GRID2: variants seen among roughly 807,000 people sequenced by gnomAD.
The protein encoded by GRID2 is glutamate receptor ionotropic, delta-2.
In GRID2, 33 loss-of-function variants were observed where a neutral mutation model predicts 114.8. The ratio of observed to expected loss-of-function variants is 0.29; its 90% CI spans 0.22 to 0.38. The LOEUF (loss-of-function observed/expected upper bound fraction) is 0.38, where lower values mean the gene tolerates loss of function less well. GRID2 is among the 10% of genes least tolerant of loss of function. The probability of loss-of-function intolerance (pLI) is 1.00; values close to 1 mark genes in which losing one functional copy is unlikely to be tolerated. For missense variants in GRID2, 1,184 were observed against 1,257.7 expected (o/e 0.94, Z 0.89); for synonymous variants, 505 against 449.9 (o/e 1.12, Z -1.55).
At chr4:92,345,477 T>G (rs1012069309) in intron 1 of GRID2, among the ~76,000 whole-genome samples, 2 of 152,208 alleles carry the variant, frequency 1.3e-5, no homozygotes, top group Non-Finnish European at 2.9e-5. Context: ...TACCCAGTAG[T>G]GGGATAGCTG....
intron 1 of GRID2, among the ~76,000 whole-genome samples, chr4:92,386,165 G>T (rs1292689114): frequency 6.6e-6 from 1 of 151,418 alleles, no homozygotes; most frequent in South Asian, 2.1e-4. Context: ...TCTTATTGTT[G>T]TTATTTTTAA....
intron 1 of GRID2, among the ~76,000 whole-genome samples, chr4:92,515,098 ATGT>A (rs1215548915): frequency 7.2e-5 from 11 of 151,834 alleles, no homozygotes; most frequent in South Asian, 4.1e-4. Flanking sequence ...GATACATATA[ATGT>A]TGTTATATTT....
intron 8 of GRID2, among the ~76,000 whole-genome samples, chr4:93,309,838 A>G (rs1323373266): frequency 6.6e-6 from 1 of 152,184 alleles, no homozygotes; most frequent in Non-Finnish European, 1.5e-5. Flanking sequence ...AGGGCATGAG[A>G]CCTATTCCCC....
At chr4:93,097,096 G>A (rs1387217635) in intron 3 of GRID2, among the ~76,000 whole-genome samples, 3 of 151,886 alleles carry the variant, frequency 2.0e-5, no homozygotes, top group East Asian at 1.9e-4. Flanking sequence ...CTAAGCTATC[G>A]TGGTCAAAAT....
At chr4:92,416,122 A>G (rs529549789) in intron 1 of GRID2, among the ~76,000 whole-genome samples, 6 of 152,014 alleles carry the variant, frequency 3.9e-5, no homozygotes, top group African/African-American at 1.4e-4. Flanking sequence ...TTGGTATCTC[A>G]TTGCGGTTTT....
At chr4:92,764,502 C>T (rs1205814712) in intron 2 of GRID2, among the ~76,000 whole-genome samples, 5 of 152,156 alleles carry the variant, frequency 3.3e-5, no homozygotes, top group Non-Finnish European at 5.9e-5. Flanking sequence ...CCCTACTCAC[C>T]CACACACATT....
intron 2 of GRID2, among the ~76,000 whole-genome samples, chr4:92,739,564 C>T (rs938687828): frequency 7.9e-5 from 12 of 151,916 alleles, no homozygotes; most frequent in African/African-American, 2.9e-4. Context: ...CAAACCAGTC[C>T]GTCCTGTGAT....
At chr4:92,977,426 A>G (rs965895112) in intron 2 of GRID2, among the ~76,000 whole-genome samples, 2 of 152,218 alleles carry the variant, frequency 1.3e-5, no homozygotes, top group African/African-American at 4.8e-5. Flanking sequence ...AGAAATTAAT[A>G]TAACTGGCAT....
intron 13 of GRID2, among the ~76,000 whole-genome samples, chr4:93,520,190 C>G (rs1184360810): frequency 6.6e-6 from 1 of 152,104 alleles, no homozygotes; most frequent in Non-Finnish European, 1.5e-5. Flanking sequence ...CAGTGAATAC[C>G]TATTGTTTCC....
intron 3 of GRID2, among the ~76,000 whole-genome samples, chr4:93,094,101 G>A (rs62308208): frequency 5.5e-4 from 83 of 152,002 alleles, no homozygotes; most frequent in Non-Finnish European, 9.1e-4. Context: ...ATTTCCAAGC[G>A]TTGAAGAATG....
chr4:93,071,246 T>C (rs535299331), intron 2 of GRID2, among the ~76,000 whole-genome samples: 18 of 152,210 alleles, frequency 1.2e-4, no homozygotes, highest in Non-Finnish European at 1.9e-4. Context: ...TAACAGGACA[T>C]GTATAGTATA....
rs549194761 is a variant in GRID2 at position 93,114,636 on chromosome 4, C to T, written c.735+3683C>T. On this transcript the variant is annotated intron_variant, in intron 4 of 15. Transcript: ENST00000282020. ...TCACCCTATTGTACTGTTCTCTGAC[C>T]TGCAAGATGGTTCCTGTTTCTCAAT... Among the ~76,000 whole-genome samples the T allele has an allele frequency of 3.9e-5, 6 of 152,258 alleles. No homozygotes were observed. In the South Asian group the frequency reaches 1.2e-3, roughly 32 times the overall value.
At chr4:93,808,178 T>C (rs1463839878) in exon 2 of GRID2, 2 of 152,190 alleles carry the variant, frequency 1.3e-5, no homozygotes, top group Non-Finnish European at 2.9e-5. Context: ...TTCTTCATTA[T>C]GTCATCAAAC....
At chr4:92,789,450 C>G (rs185171649) in intron 2 of GRID2, among the ~76,000 whole-genome samples, 4 of 151,922 alleles carry the variant, frequency 2.6e-5, no homozygotes, top group African/African-American at 9.6e-5. Flanking sequence ...GATTATCTTA[C>G]TCTGTTTGCC....
At chr4:92,636,256 C>T (rs1579732575) in intron 2 of GRID2, among the ~76,000 whole-genome samples, 1 of 152,010 alleles carries the variant, frequency 6.6e-6, no homozygotes, top group Non-Finnish European at 1.5e-5. Flanking sequence ...TCTGAGGACT[C>T]CTCTGTTCAT....
At chr4:92,667,287 G>C (rs1248300836) in intron 2 of GRID2, among the ~76,000 whole-genome samples, 3 of 151,508 alleles carry the variant, frequency 2.0e-5, no homozygotes, top group Non-Finnish European at 4.4e-5. Flanking sequence ...CTTATTTTGA[G>C]TTTTTAATAA....
chr4:92,460,032 C>CTCTCTCTCTCTATA (rs749790235), intron 1 of GRID2, among the ~76,000 whole-genome samples: 3 of 48,442 alleles, frequency 6.2e-5, no homozygotes, highest in African/African-American at 3.0e-4. Context: ...ATAAATCTCA[C>CTCTCTCTCTCTATA]TATATATATA....
chr4:93,679,796 A>T (rs1242122196), intron 14 of GRID2, among the ~76,000 whole-genome samples: 3 of 151,048 alleles, frequency 2.0e-5, no homozygotes, highest in Non-Finnish European at 2.9e-5. Flanking sequence ...AGGGAAATTT[A>T]TAGCACTAAA....
chr4:92,744,096 T>G (rs1737028255), intron 2 of GRID2, among the ~76,000 whole-genome samples: 1 of 152,176 alleles, frequency 6.6e-6, no homozygotes, highest in African/African-American at 2.4e-5. Context: ...AATGTGATTA[T>G]CAATGGTATT....
Sources: gnomAD v4.1 joint callset for allele counts (sites outside exome capture counted in the v4.1 genomes callset) on GRCh38, gnomAD v4.1.1 for gene constraint, MANE v1.5 for transcripts, NCBI Gene and HGNC (gene_info 2026-07-23, HGNC 2026-07-21) for gene names.